DCC: variants seen among roughly 807,000 people sequenced by gnomAD.
DCC encodes DCC netrin 1 receptor.
DCC carries 58 observed loss-of-function variants against 172.5 expected under a neutral mutation model. The ratio of observed to expected loss-of-function variants is 0.34; its 90% CI spans 0.27 to 0.42. The LOEUF (loss-of-function observed/expected upper bound fraction) is 0.42, where lower values mean the gene tolerates loss of function less well. Among genes scored for constraint, DCC ranks in the 10% least tolerant of loss-of-function variants. DCC has a pLI of 1.00. For synonymous variants in DCC, 709 were observed against 644.5 expected (o/e 1.10, Z -1.52); for missense variants, 1,740 against 1,791.0 (o/e 0.97, Z 0.51).
At chr18:53,526,392 A>G (rs1293218316) in intron 27 of DCC, among the ~76,000 whole-genome samples, 1 of 152,142 alleles carries the variant, frequency 6.6e-6, no homozygotes, top group African/African-American at 2.4e-5. Flanking sequence ...ACTTGCAATT[A>G]CATATGGCTA....
At chr18:53,464,808 C>A in intron 24 of DCC, among the ~76,000 whole-genome samples, 1 of 151,002 alleles carries the variant, frequency 6.6e-6, no homozygotes, top group Non-Finnish European at 1.5e-5. Flanking sequence ...TGGAGAAACC[C>A]CTCTCTAGTA....
chr18:53,409,922 G>C (rs997446166), intron 19 of DCC, among the ~76,000 whole-genome samples: 4 of 152,136 alleles, frequency 2.6e-5, no homozygotes, highest in African/African-American at 9.7e-5. Flanking sequence ...GTCACCTGCA[G>C]CTTCACCGTC....
Position 52,905,998 on chromosome 18 carries a change from T to C in DCC, c.413-46T>C. The C allele has an allele frequency of 2.4e-6, 3 of 1,242,470 alleles. No homozygotes were observed. The East Asian group carries it at 7.0e-5, about 29-fold the overall frequency. 77.0% of individuals were successfully genotyped at this position (1,242,470 alleles called of 1,614,324 possible). A position where few individuals can be genotyped will look rare whatever the true frequency, so the allele number is the denominator to read the frequency against. On this transcript the variant is annotated intron_variant, in intron 2 of 28. Coordinates refer to ENST00000442544, the MANE Select transcript of DCC (RefSeq NM_005215.4). ...TGATTATTTTTATTGGCGATTATTG[T>C]GCTTTATTTGGAAGACTTATTCTTC... is the stretch of plus-strand genomic sequence containing the variant.
chr18:52,798,014 G>C (rs1356781750), intron 2 of DCC, among the ~76,000 whole-genome samples: 2 of 152,174 alleles, frequency 1.3e-5, no homozygotes, highest in African/African-American at 4.8e-5. Context: ...GGAGGGCAGG[G>C]AAGATTAATC....
At chr18:52,581,160 A>G (rs2033536861) in intron 1 of DCC, among the ~76,000 whole-genome samples, 2 of 124,198 alleles carry the variant, frequency 1.6e-5, no homozygotes, top group Admixed American at 8.4e-5. Flanking sequence ...TTATACACAC[A>G]CAAACATCTC....
chr18:53,380,156 AT>A (rs2144978562), intron 15 of DCC, among the ~76,000 whole-genome samples: 1 of 152,286 alleles, frequency 6.6e-6, no homozygotes, highest in Admixed American at 6.5e-5. Context: ...TGTTTAACTC[AT>A]TTGATGCTTC....
At chr18:53,284,418 TCTCATGA>T (rs1198888686) in intron 12 of DCC, among the ~76,000 whole-genome samples, 1 of 152,050 alleles carries the variant, frequency 6.6e-6, no homozygotes, top group African/African-American at 2.4e-5. Flanking sequence ...AGTGAGTACG[TCTCATGA>T]GATCTTATGG....
At chr18:52,484,916 G>A (rs1358745028) in intron 1 of DCC, among the ~76,000 whole-genome samples, 1 of 151,800 alleles carries the variant, frequency 6.6e-6, no homozygotes, top group Non-Finnish European at 1.5e-5. Context: ...AACTTTTGTT[G>A]TCTGATTGAT....
chr18:52,808,663 C>T (rs2038135066), intron 2 of DCC, among the ~76,000 whole-genome samples: 2 of 152,190 alleles, frequency 1.3e-5, no homozygotes, highest in African/African-American at 4.8e-5. Context: ...TCTCCTGCCA[C>T]CTGCCAGTGG....
At chr18:52,958,772 G>A (rs1308611673) in intron 5 of DCC, among the ~76,000 whole-genome samples, 1 of 152,148 alleles carries the variant, frequency 6.6e-6, no homozygotes, top group Non-Finnish European at 1.5e-5. Flanking sequence ...GGAGAGACAT[G>A]TTGTCGGGAG....
chr18:53,412,192 A>T (rs1910023649), intron 20 of DCC, among the ~76,000 whole-genome samples: 1 of 152,290 alleles, frequency 6.6e-6, no homozygotes, highest in East Asian at 1.9e-4. Context: ...TTGTTCTATG[A>T]CATAATGGTT....
chr18:52,510,422 C>T (rs2031394979), intron 1 of DCC, among the ~76,000 whole-genome samples: 1 of 152,168 alleles, frequency 6.6e-6, no homozygotes, highest in Non-Finnish European at 1.5e-5. Flanking sequence ...ATCTTGGATT[C>T]CCCATGACAC....
chr18:52,898,369 C>T (rs1424029777), intron 2 of DCC, among the ~76,000 whole-genome samples: 2 of 152,174 alleles, frequency 1.3e-5, no homozygotes, highest in Non-Finnish European at 2.9e-5. Flanking sequence ...CAGGCCCATT[C>T]TGGGGGTGTG....
At chr18:52,622,855 T>C (rs1220645485) in intron 1 of DCC, among the ~76,000 whole-genome samples, 2 of 152,200 alleles carry the variant, frequency 1.3e-5, no homozygotes, top group African/African-American at 4.8e-5. Flanking sequence ...CCAAAAAAAA[T>C]GATCATAGAA....
At position 53,351,440 on chromosome 18, in the gene DCC, AGTGTATATATATATATACACAGT is replaced by A. The variant is rs1568075384; in HGVS notation, c.2359+11551_2359+11573del. Among the ~76,000 whole-genome samples the A allele has an allele frequency of 1.6e-3, 68 of 43,764 alleles. 2 individuals carry two copies. The highest frequency in any genetic ancestry group is 2.6e-3 in the Non-Finnish European group (60 of 22,964). 28.7% of individuals were successfully genotyped at this position (43,764 alleles called of 152,430 possible). A position where few individuals can be genotyped will look rare whatever the true frequency, so the allele number is the denominator to read the frequency against. On this transcript the variant is annotated intron_variant, in intron 15 of 28. Transcript: ENST00000442544. ...ATACACACTGTGTATATATATATAC[AGTGTATATATATATATACACAGT>A]GTGTATATATATATATATATATATA...
At chr18:52,780,499 C>G (rs945283705) in intron 2 of DCC, among the ~76,000 whole-genome samples, 1 of 152,210 alleles carries the variant, frequency 6.6e-6, no homozygotes, top group East Asian at 1.9e-4. Context: ...TTCACATTTA[C>G]TTAATCTAAG....
intron 5 of DCC, among the ~76,000 whole-genome samples, chr18:53,021,280 T>C (rs765922364): frequency 1.3e-5 from 2 of 152,224 alleles, no homozygotes; most frequent in African/African-American, 4.8e-5. Flanking sequence ...CTGTGTGGTT[T>C]TCTGAAGCTG....
At chr18:52,943,754 GT>G (rs750964428) in intron 5 of DCC, among the ~76,000 whole-genome samples, 10 of 149,028 alleles carry the variant, frequency 6.7e-5, no homozygotes, top group Non-Finnish European at 1.0e-4. Context: ...TTTTTTGTTT[GT>G]TTTGTTTTGT....
intron 20 of DCC, among the ~76,000 whole-genome samples, chr18:53,412,725 T>G (rs570365194): frequency 6.6e-6 from 1 of 152,234 alleles, no homozygotes; most frequent in East Asian, 1.9e-4. Context: ...TCCTTCATAT[T>G]TAGCCTTTGC....
Sources: gnomAD v4.1 joint callset for allele counts (sites outside exome capture counted in the v4.1 genomes callset) on GRCh38, gnomAD v4.1.1 for gene constraint, MANE v1.5 for transcripts, NCBI Gene and HGNC (gene_info 2026-07-23, HGNC 2026-07-21) for gene names.